AKAP6: variants seen among roughly 807,000 people sequenced by gnomAD.
AKAP6 encodes A-kinase anchor protein 6.
In AKAP6, 58 loss-of-function variants were observed where a neutral mutation model predicts 188.5. That is an observed-to-expected ratio of 0.31 (90% CI 0.25 to 0.38). AKAP6 has a LOEUF of 0.38. AKAP6 is among the 10% of genes least tolerant of loss of function. The pLI is 1.00. For missense variants in AKAP6, 2,710 were observed against 2,740.0 expected (o/e 0.99, Z 0.24); for synonymous variants, 989 against 998.6 (o/e 0.99, Z 0.18).
At chr14:32,774,002 C>T (rs550783104) in intron 12 of AKAP6, 109 bp downstream of exon 12, 34 of 1,221,896 alleles carry the variant, frequency 2.8e-5, no homozygotes, top group Non-Finnish European at 4.0e-5. Context: ...TACTAACTAA[C>T]TTAAAGTGGT....
intron 1 of AKAP6, among the ~76,000 whole-genome samples, chr14:32,399,716 C>T (rs1201300024): frequency 1.3e-5 from 2 of 152,146 alleles, no homozygotes; most frequent in Non-Finnish European, 2.9e-5. Flanking sequence ...CTGGATATTT[C>T]CCTTTTGCAT....
chr14:32,747,050 C>G, intron 11 of AKAP6, among the ~76,000 whole-genome samples: 1 of 152,094 alleles, frequency 6.6e-6, no homozygotes, highest in East Asian at 1.9e-4. Context: ...CTAAGCAGTT[C>G]ATATGCTTTA....
chr14:32,781,058 T>C (rs560445804), intron 12 of AKAP6, among the ~76,000 whole-genome samples: 7 of 150,900 alleles, frequency 4.6e-5, no homozygotes, highest in African/African-American at 9.7e-5. Flanking sequence ...CCAAAGTAAA[T>C]AGGAGAAAGA....
intron 2 of AKAP6, chr14:32,494,204 A>G (rs548243975): frequency 3.3e-5 from 5 of 152,296 alleles, no homozygotes; most frequent in South Asian, 2.1e-4. Context: ...ATTCTTCCCT[A>G]TATCTAGCTA....
At chr14:32,769,391 C>T (rs1054764351) in intron 11 of AKAP6, among the ~76,000 whole-genome samples, 1 of 151,972 alleles carries the variant, frequency 6.6e-6, no homozygotes, top group African/African-American at 2.4e-5. Flanking sequence ...TGTTTGTTCA[C>T]ACTTCCCTTC....
Position 32,548,882 on chromosome 14 carries a change from ACTC to A in AKAP6, c.2346+1889_2346+1891del, listed in dbSNP as rs1459321702. Among the ~76,000 whole-genome samples the A allele has an allele frequency of 5.9e-5, 9 of 152,046 alleles. No homozygotes were observed. In the East Asian group the frequency reaches 1.2e-3, roughly 20 times the overall value. The stretch of plus-strand genomic sequence containing the variant: ...GAATATTGATGTAACTGCCATGGGC[ACTC>A]CTCCTAATTTTTTTTTGTTCTGTTT... On this transcript the variant is annotated intron_variant, in intron 4 of 13. Transcript: ENST00000280979.
chr14:32,351,685 G>A (rs1887276540), intron 1 of AKAP6, among the ~76,000 whole-genome samples: 2 of 152,080 alleles, frequency 1.3e-5, no homozygotes. Context: ...TATGAAAGAT[G>A]TTGCTGGTTG....
chr14:32,542,911 A>G (rs1050152086), intron 3 of AKAP6, among the ~76,000 whole-genome samples: 1 of 152,138 alleles, frequency 6.6e-6, no homozygotes, highest in Admixed American at 6.5e-5. Context: ...TTTTGTTTTT[A>G]TTATTTTTAA....
intron 9 of AKAP6, among the ~76,000 whole-genome samples, chr14:32,700,148 G>A (rs1333583381): frequency 6.6e-6 from 1 of 152,170 alleles, no homozygotes; most frequent in Non-Finnish European, 1.5e-5. Context: ...TTATAGCTCA[G>A]ACTGCTGCTG....
chr14:32,614,082 A>G lies in AKAP6; in HGVS notation c.2730+13290A>G, dbSNP rs192127131. Among the ~76,000 whole-genome samples, 23 of 152,338 alleles carry G rather than the reference A, an allele frequency of 1.5e-4. 1 individual carries two copies. In the East Asian group the frequency reaches 3.7e-3, roughly 24 times the overall value. On this transcript the variant is annotated intron_variant, in intron 7 of 13. Coordinates refer to ENST00000280979, the MANE Select transcript of AKAP6 (RefSeq NM_004274.5). ...TCATTTTTGGTGAAGGCTAAGAATT[A>G]TTAACTGTATAATACAGGACAAAGA...
rs770130591 is a variant in AKAP6, at chr14:32,678,416, G to A, written c.2836G>A (p.Glu946Lys). ...TACCAGCAGCAGCAAGCGAAAGGAA[G>A]AGTTTGCTGATATGTCAAAAGTTCA... The part of the protein sequence containing the change: ...QYTSSSKRKE[E>K]FADMSKVHSV... The change falls in exon 8 of 14, where the codon GAG becomes AAG. Residue 946 changes from glutamate to lysine, a missense_variant. Glu to Lys is a moderately conservative substitution (Grantham distance 56). Coordinates refer to ENST00000280979, the MANE Select transcript of AKAP6 (RefSeq NM_004274.5). The A allele has an allele frequency of 6.2e-7, 1 of 1,613,986 alleles. No individual in the cohort carries two copies. The highest frequency in any genetic ancestry group is 8.5e-7 in the Non-Finnish European group (1 of 1,179,886).
chr14:32,566,739 T>C (rs1363058085), intron 4 of AKAP6, among the ~76,000 whole-genome samples: 1 of 152,234 alleles, frequency 6.6e-6, no homozygotes, highest in Non-Finnish European at 1.5e-5. Context: ...AATAGTACTT[T>C]GAAGTTTTAC....
intron 11 of AKAP6, among the ~76,000 whole-genome samples, chr14:32,762,130 T>C (rs972296518): frequency 2.0e-5 from 3 of 152,130 alleles, no homozygotes; most frequent in East Asian, 1.9e-4. Context: ...AGCACCTTTT[T>C]CCCCCTACTA....
chr14:32,512,467 G>T (rs1292588754), intron 2 of AKAP6, among the ~76,000 whole-genome samples: 2 of 152,162 alleles, frequency 1.3e-5, no homozygotes, highest in Admixed American at 6.6e-5. Context: ...CAAAACTGAA[G>T]CACTTTTGAG....
chr14:32,359,126 C>G (rs551237790), intron 1 of AKAP6, among the ~76,000 whole-genome samples: 1 of 152,006 alleles, frequency 6.6e-6, no homozygotes, highest in African/African-American at 2.4e-5. Context: ...AAAAGAGAGA[C>G]GCATAACAAC....
At chr14:32,622,933 T>C (rs1437710534) in intron 7 of AKAP6, among the ~76,000 whole-genome samples, 1 of 152,132 alleles carries the variant, frequency 6.6e-6, no homozygotes, top group East Asian at 1.9e-4. Context: ...GAGAACCACT[T>C]TGAGGCACCA....
At chr14:32,556,355 T>C (rs967030523) in intron 4 of AKAP6, among the ~76,000 whole-genome samples, 1 of 152,216 alleles carries the variant, frequency 6.6e-6, no homozygotes, top group Admixed American at 6.5e-5. Context: ...TTTTGTTTTT[T>C]TAATTGAGAC....
At position 32,430,830 on chromosome 14, in the gene AKAP6, G is replaced by T. The variant is rs181681013; in HGVS notation, c.-34-2630G>T. ...TTTAAATATTAAAAATTTGGGGCTGGGTGCGGTGGCTCATGCCTGTAATCC... is the reference window on the plus strand; with the variant it reads ...TTTAAATATTAAAAATTTGGGGCTGTGTGCGGTGGCTCATGCCTGTAATCC... On this transcript the variant is annotated intron_variant, in intron 1 of 13. Coordinates refer to ENST00000280979, the MANE Select transcript of AKAP6 (RefSeq NM_004274.5). Among the ~76,000 whole-genome samples, 529 of 152,186 alleles carry T rather than the reference G, an allele frequency of 3.5e-3. 3 individuals carry two copies. Among genetic ancestry groups the T allele is most frequent in the African/African-American group, 0.011 (463 of 41,520 alleles).
intron 7 of AKAP6, among the ~76,000 whole-genome samples, chr14:32,649,964 A>C (rs1356706440): frequency 2.0e-5 from 3 of 152,200 alleles, no homozygotes; most frequent in African/African-American, 7.2e-5. Flanking sequence ...CATATTTTAT[A>C]TAGATCACTT....
Sources: allele counts gnomAD v4.1 joint callset (sites outside exome capture counted in the v4.1 genomes callset), GRCh38; gene constraint gnomAD v4.1.1; transcripts MANE v1.5; gene names NCBI Gene and HGNC (gene_info 2026-07-23, HGNC 2026-07-21).